Variants in CPB2 observed in about 807,000 individuals in gnomAD.
The protein encoded by CPB2 is carboxypeptidase B2.
CPB2 carries 54 observed loss-of-function variants against 57.0 expected under a neutral mutation model. That is an observed-to-expected ratio of 0.95 (90% CI 0.76 to 1.19). The LOEUF (loss-of-function observed/expected upper bound fraction) is 1.19. Among genes scored for constraint, CPB2 ranks in the 50% most tolerant of loss-of-function variants. The pLI is 0.00. For missense variants in CPB2, 426 were observed against 512.0 expected, an observed-to-expected ratio of 0.83 and a Z score of 1.62; for synonymous variants, 189 against 178.1, an observed-to-expected ratio of 1.06 and a Z score of -0.49.
At chr13:46,080,643 CAG>C in intron 4 of CPB2, among the ~76,000 whole-genome samples, 1 of 152,144 alleles carries the variant, frequency 6.6e-6, no homozygotes, top group East Asian at 1.9e-4. Context: ...TTAAGATATA[CAG>C]AGAGAGACCA....
chr13:46,100,620 C>T (rs1001173576), intron 1 of CPB2: 1 of 152,172 alleles, frequency 6.6e-6, no homozygotes, highest in Admixed American at 6.5e-5. Context: ...GATGTTTCCT[C>T]AAATTTACAG....
In CPB2 at chr13:46,053,268, T is replaced by A. The variant is rs912981422; in HGVS notation, c.*346A>T. The A allele has an allele frequency of 1.7e-5, 3 of 181,744 alleles. No individual in the cohort carries two copies. The highest frequency in any genetic ancestry group is 7.0e-5 in the African/African-American group (3 of 42,590). 11.3% of individuals were successfully genotyped at this position (181,744 alleles called of 1,614,324 possible). A position where few individuals can be genotyped will look rare whatever the true frequency, so the allele number is the denominator to read the frequency against. ...ATGTACTTCTGACCACCCTTCCTTT[T>A]GTTGAGTAGGATCCAATGATCAGCG... On this transcript the variant is annotated 3_prime_UTR_variant, in exon 11 of 11. Transcript: ENST00000181383.
chr13:46,072,056 A>G (rs1376054229), intron 6 of CPB2, among the ~76,000 whole-genome samples: 3 of 152,232 alleles, frequency 2.0e-5, no homozygotes, highest in African/African-American at 7.2e-5. Flanking sequence ...TGATGCAGTC[A>G]TGCACAAATT....
chr13:46,071,141 C>T (rs2044935578), intron 6 of CPB2, among the ~76,000 whole-genome samples: 1 of 151,966 alleles, frequency 6.6e-6, no homozygotes, highest in Non-Finnish European at 1.5e-5. Flanking sequence ...GGTTGGAACT[C>T]CAGAAGAGCA....
intron 8 of CPB2, among the ~76,000 whole-genome samples, chr13:46,062,233 G>A (rs918645869): frequency 1.3e-5 from 2 of 151,950 alleles, no homozygotes; most frequent in Admixed American, 6.6e-5. Context: ...GTAAAATCAA[G>A]CACCAAAAGA....
rs1321687071 is a variant in CPB2, at chr13:46,078,875, A to G, written c.411T>C (p.Thr137=). 1 of 1,610,994 alleles carries G rather than the reference A, an allele frequency of 6.2e-7. No individual in the cohort carries two copies. The highest frequency in any genetic ancestry group is 8.5e-7 in the Non-Finnish European group (1 of 1,177,522). ...TTGTAAGCATATCAGGATGCCTCTC[A>G]GTTATAAATTCTATCCAAGAATAGA... is the stretch of plus-strand genomic sequence containing the variant. The part of the protein sequence containing the change: ...NEIYSWIEFI[T]ERHPDMLTKI... The change falls in exon 5 of 11, where the codon ACT becomes ACC. Residue 137 remains threonine (T), a synonymous_variant. Transcript: ENST00000181383.
intron 6 of CPB2, 44 bp from the exon 7 acceptor site, chr13:46,067,461 T>C: frequency 1.0e-6 from 1 of 955,976 alleles, no homozygotes; most frequent in Non-Finnish European, 1.7e-6. Flanking sequence ...TTTTAAGTTC[T>C]TCTAAACTTA....
chr13:46,086,593 A>G (rs1227487137), intron 2 of CPB2, among the ~76,000 whole-genome samples: 2 of 152,188 alleles, frequency 1.3e-5, no homozygotes, highest in Admixed American at 1.3e-4. Flanking sequence ...GGGTGGCCAT[A>G]GGCGGGTGCG....
chr13:46,067,239 A>G (rs2044870391), intron 7 of CPB2, 68 bp downstream of exon 7: 1 of 755,180 alleles, frequency 1.3e-6, no homozygotes, highest in Non-Finnish European at 2.2e-6. Context: ...AATTCTATGA[A>G]TAATTCAACC....
At chr13:46,103,983 C>T (rs550144570) in intron 1 of CPB2, among the ~76,000 whole-genome samples, 9 of 152,258 alleles carry the variant, frequency 5.9e-5, no homozygotes, top group African/African-American at 2.2e-4. Flanking sequence ...TCATGTTGAA[C>T]AAAAGAAGAT....
chr13:46,077,173 G>T (rs4942473), intron 5 of CPB2, among the ~76,000 whole-genome samples: 52,242 of 151,918 alleles, frequency 0.34, 9,207 homozygotes, highest in African/African-American at 0.39. Flanking sequence ...AAGCTATCCA[G>T]CCAACAGGGA....
At chr13:46,066,318 C>A (rs1443803559) in intron 7 of CPB2, among the ~76,000 whole-genome samples, 1 of 151,764 alleles carries the variant, frequency 6.6e-6, no homozygotes, top group Non-Finnish European at 1.5e-5. Context: ...GTTGAGTAAC[C>A]AGAAAATACA....
At chr13:46,058,445 C>T (rs531519839) in intron 8 of CPB2, 64 bp from the exon 9 acceptor site, 1 of 1,426,382 alleles carries the variant, frequency 7.0e-7, no homozygotes, top group Non-Finnish European at 9.8e-7. Context: ...TTTGTGGTTT[C>T]CCAGACAACG....
At chr13:46,090,354 T>C (rs1377856470) in intron 1 of CPB2, among the ~76,000 whole-genome samples, 2 of 148,982 alleles carry the variant, frequency 1.3e-5, no homozygotes, top group Non-Finnish European at 3.0e-5. Context: ...TTTGTCTATT[T>C]GTCTATTCTT....
intron 9 of CPB2, among the ~76,000 whole-genome samples, chr13:46,056,972 T>C (rs1255627072): frequency 1.3e-5 from 2 of 152,210 alleles, no homozygotes; most frequent in African/African-American, 4.8e-5. Flanking sequence ...GCCACGTATT[T>C]AGTAGTTACT....
rs1380409174 is a variant in CPB2, at chr13:46,102,553, A to AAC, written c.74+2382_74+2383insGT. On this transcript the variant is annotated intron_variant, in intron 1 of 10. Coordinates refer to ENST00000181383, the MANE Select transcript of CPB2 (RefSeq NM_001872.5). ...AAATGATTATGACAAAAAAAAAAAA[A>AAC]AAAACAAAGAACAGCTTTAAGAAAA... Among the ~76,000 whole-genome samples, 85 of 148,938 alleles carry AAC rather than the reference A, an allele frequency of 5.7e-4. 1 individual carries two copies. In the East Asian group the frequency reaches 0.014, roughly 25 times the overall value.
rs368941315 is a variant in CPB2 at position 46,098,036 on chromosome 13, A to G, written c.74+6900T>C. ...AAGGGTAATTGACTCCAATAATCAG[A>G]AGGACATTGAGGGCTGCACTTACAT... On this transcript the variant is annotated intron_variant, in intron 1 of 10. Transcript: ENST00000181383. Among the ~76,000 whole-genome samples the G allele has an allele frequency of 3.9e-5, 6 of 152,290 alleles. No homozygotes were observed. The East Asian group carries it at 1.2e-3, about 29-fold the overall frequency.
At chr13:46,092,032 C>A (rs555932473) in intron 1 of CPB2, among the ~76,000 whole-genome samples, 3 of 152,080 alleles carry the variant, frequency 2.0e-5, no homozygotes, top group African/African-American at 7.2e-5. Flanking sequence ...AGCTCTGAGC[C>A]CCCCCTTTTT....
At chr13:46,103,171 C>T (rs968722886) in intron 1 of CPB2, among the ~76,000 whole-genome samples, 17 of 152,160 alleles carry the variant, frequency 1.1e-4, no homozygotes, top group Admixed American at 1.0e-3. Flanking sequence ...TTATCCTATC[C>T]AAGAGTTTGG....
Sources: allele counts gnomAD v4.1 joint callset (sites outside exome capture counted in the v4.1 genomes callset), GRCh38; gene constraint gnomAD v4.1.1; transcripts MANE v1.5; gene names NCBI Gene and HGNC (gene_info 2026-07-23, HGNC 2026-07-21).